LRRC37A2: variants seen among roughly 807,000 people sequenced by gnomAD.
LRRC37A2 encodes leucine-rich repeat-containing protein 37A2.
In LRRC37A2, 9 loss-of-function variants were observed where a neutral mutation model predicts 68.8. That is an observed-to-expected ratio of 0.13 (90% CI 0.08 to 0.23). The LOEUF (loss-of-function observed/expected upper bound fraction) is 0.23. Ranked by LOEUF, LRRC37A2 falls within the 10% of genes least tolerant of loss-of-function variation. The pLI is 1.00. For synonymous variants in LRRC37A2, 63 were observed against 367.6 expected (o/e 0.17, Z 9.48); for missense variants, 168 against 950.4 (o/e 0.18, Z 10.82).
At chr17:46,796,117 C>A in the LRRC37A2 span, among the ~76,000 whole-genome samples, 1 of 152,176 alleles carries the variant, frequency 6.6e-6, no homozygotes, top group South Asian at 2.1e-4. Context: ...TCTGGCTGAC[C>A]CCAATCCTGA....
the LRRC37A2 span, among the ~76,000 whole-genome samples, chr17:46,780,731 G>A: frequency 6.6e-6 from 1 of 152,026 alleles, no homozygotes; most frequent in Non-Finnish European, 1.5e-5. Flanking sequence ...GAGCTGAGAT[G>A]GCGCCACTGC....
At chr17:46,986,647 G>A in the LRRC37A2 span, among the ~76,000 whole-genome samples, 3 of 152,234 alleles carry the variant, frequency 2.0e-5, no homozygotes, top group Non-Finnish European at 2.9e-5. Context: ...TGGGTTGGTG[G>A]TTCCCTATTT....
At chr17:46,986,587 CACA>C in the LRRC37A2 span, among the ~76,000 whole-genome samples, 2 of 152,196 alleles carry the variant, frequency 1.3e-5, no homozygotes, top group South Asian at 2.1e-4. Flanking sequence ...TGCCAGCCGT[CACA>C]ACAAGGGAAT....
chr17:46,937,551 A>G, the LRRC37A2 span: 1 of 152,176 alleles, frequency 6.6e-6, no homozygotes, highest in Non-Finnish European at 1.5e-5. Context: ...GGCCCGGACC[A>G]TTTCACCTCT....
chr17:46,785,056 C>T, the LRRC37A2 span, among the ~76,000 whole-genome samples: 28 of 152,114 alleles, frequency 1.8e-4, no homozygotes, highest in Non-Finnish European at 2.9e-4. Context: ...GGATTACAGG[C>T]GTGAGCCACC....
At chr17:46,491,111 G>C in the LRRC37A2 span, among the ~76,000 whole-genome samples, 1 of 150,812 alleles carries the variant, frequency 6.6e-6, no homozygotes, top group African/African-American at 2.5e-5. Context: ...TGCCCAGGCT[G>C]GTGTCGAACT....
the LRRC37A2 span, among the ~76,000 whole-genome samples, chr17:46,790,833 C>T: frequency 6.6e-6 from 1 of 152,192 alleles, no homozygotes; most frequent in African/African-American, 2.4e-5. Context: ...CTACTGCGCT[C>T]GCGTTTTATG....
the LRRC37A2 span, among the ~76,000 whole-genome samples, chr17:46,494,494 GT>G: frequency 1.3e-5 from 2 of 148,154 alleles, no homozygotes; most frequent in South Asian, 4.2e-4. Context: ...GATAATGGCT[GT>G]TCCAATAAAA....
At chr17:46,833,159 T>C in the LRRC37A2 span, 23 of 359,062 alleles carry the variant, frequency 6.4e-5, no homozygotes, top group African/African-American at 4.7e-4. Context: ...CAGAGTGATG[T>C]CAGCTGAGGA....
At chr17:46,823,119 TATTATATA>T in the LRRC37A2 span, among the ~76,000 whole-genome samples, 25 of 131,362 alleles carry the variant, frequency 1.9e-4, 1 homozygote, top group Middle Eastern at 3.7e-3. Flanking sequence ...ATATATTATA[TATTATATA>T]TTATATATAT....
At chr17:46,762,977 T>A in the LRRC37A2 span, 1 of 152,140 alleles carries the variant, frequency 6.6e-6, no homozygotes, top group African/African-American at 2.4e-5. Context: ...AACTTTTCAG[T>A]CTAAGGTGAG....
chr17:46,691,689 A>C, the LRRC37A2 span, among the ~76,000 whole-genome samples: 2 of 151,640 alleles, frequency 1.3e-5, no homozygotes, highest in Non-Finnish European at 2.9e-5. Flanking sequence ...TGCTCATTTA[A>C]TTTTTATTAT....
At chr17:46,845,384 G>A in the LRRC37A2 span, among the ~76,000 whole-genome samples, 1 of 151,918 alleles carries the variant, frequency 6.6e-6, no homozygotes, top group Admixed American at 6.6e-5. Flanking sequence ...TGGGGTGGGG[G>A]TTATATTCAC....
the LRRC37A2 span, among the ~76,000 whole-genome samples, chr17:46,750,067 A>ACTATC: frequency 6.6e-6 from 1 of 152,176 alleles, no homozygotes; most frequent in Non-Finnish European, 1.5e-5. Context: ...AATGCCTGGG[A>ACTATC]CTAGGCCAGG....
At chr17:46,980,353 T>TTCTTCTTTCTTTCTCTTCTTCTTTC in the LRRC37A2 span, among the ~76,000 whole-genome samples, 1 of 25,480 alleles carries the variant, frequency 3.9e-5, no homozygotes, top group South Asian at 1.0e-3. Flanking sequence ...CCTTCCTTCC[T>TTCTTCTTTCTTTCTCTTCTTCTTTC]TCTTCTTTCT....
chr17:46,965,424 C>T, the LRRC37A2 span, among the ~76,000 whole-genome samples: 5 of 152,194 alleles, frequency 3.3e-5, no homozygotes, highest in Non-Finnish European at 7.3e-5. Context: ...CCCCAGGGCT[C>T]CTGCTTCCCT....
At chr17:46,757,244 A>C in the LRRC37A2 span, 1 of 152,348 alleles carries the variant, frequency 6.6e-6, no homozygotes, top group Admixed American at 6.5e-5. Context: ...GCTTTTAAAG[A>C]AGTGGATTGT....
chr17:46,545,938 C>T (rs968288759), intron 8 of LRRC37A2, among the ~76,000 whole-genome samples: 1 of 147,770 alleles, frequency 6.8e-6, no homozygotes, highest in African/African-American at 2.6e-5. Flanking sequence ...TAAAAGTCTA[C>T]CTTCTTCCTC....
the LRRC37A2 span, among the ~76,000 whole-genome samples, chr17:47,031,121 T>C: frequency 1.3e-5 from 2 of 150,038 alleles, no homozygotes; most frequent in East Asian, 2.0e-4. Flanking sequence ...CTCTATGTTA[T>C]TGACAAATAC....
Sources: allele counts gnomAD v4.1 joint callset (sites outside exome capture counted in the v4.1 genomes callset), GRCh38; gene constraint gnomAD v4.1.1; transcripts MANE v1.5; gene names NCBI Gene and HGNC (gene_info 2026-07-23, HGNC 2026-07-21).